DPH6: variants seen among roughly 807,000 people sequenced by gnomAD.
DPH6 encodes the protein diphthine--ammonia ligase.
DPH6 carries 33 observed loss-of-function variants against 38.2 expected under a neutral mutation model. The observed-to-expected ratio is 0.86, with a 90% CI of 0.65 to 1.15. The LOEUF is 1.15. Among genes scored for constraint, DPH6 ranks in the 50% most tolerant of loss-of-function variants. The probability of loss-of-function intolerance (pLI) is 0.00; values close to 1 mark genes in which losing one functional copy is unlikely to be tolerated. For missense variants in DPH6, 325 were observed against 320.0 expected, an observed-to-expected ratio of 1.02 and a Z score of -0.12; for synonymous variants, 108 against 103.0, an observed-to-expected ratio of 1.05 and a Z score of -0.30.
At chr15:35,227,078 C>T (rs2051486727) in intron 3 of DPH6, among the ~76,000 whole-genome samples, 1 of 151,470 alleles carries the variant, frequency 6.6e-6, no homozygotes, top group Admixed American at 6.6e-5. Flanking sequence ...GGAAATTTGT[C>T]CGTTTCTTTT....
At chr15:35,411,243 T>C (rs75461203) in intron 5 of DPH6, among the ~76,000 whole-genome samples, 4,076 of 151,768 alleles carry the variant, frequency 0.027, 95 homozygotes, top group African/African-American at 0.061. Flanking sequence ...ATTTTAATGG[T>C]TATGATTTAT....
Position 35,538,882 on chromosome 15 carries a change from T to G in DPH6, c.119-415A>C, listed in dbSNP as rs557872720. On this transcript the variant is annotated intron_variant, in intron 2 of 8. Transcript: ENST00000256538. ...TTGTAGAAAAAAAAACCTTTCTTAA[T>G]TAAAGATCTACCTAGTTAATAAGAG... 1.1e-4 allele frequency among the ~76,000 whole-genome samples: 16 copies of G among 152,200 alleles called. No individual in the cohort carries two copies. The East Asian group carries it at 3.1e-3, about 29-fold the overall frequency.
Position 35,454,803 on chromosome 15 carries a change from C to T in DPH6, c.330G>A (p.Glu110=). ...LKLVKEKEEV[E]GISVGAILSD... is the part of the protein sequence containing the mutation. ...AAAGTATAGCACCTACTGATATCCC[C>T]TCTACTTCTTCTTTTTCCTGAAAAT... Residue 110 remains glutamate, a synonymous_variant, in exon 4 of 9, where the codon GAG becomes GAA. Transcript: ENST00000256538. 1.2e-6 allele frequency: 2 copies of T among 1,600,494 alleles called. No homozygotes were observed. The highest frequency in any genetic ancestry group is 1.7e-6 in the Non-Finnish European group (2 of 1,175,650).
At chr15:35,476,694 A>T (rs928015119) in intron 3 of DPH6, among the ~76,000 whole-genome samples, 1 of 151,812 alleles carries the variant, frequency 6.6e-6, no homozygotes, top group Non-Finnish European at 1.5e-5. Context: ...GTTAGAGGTG[A>T]AACTTCCTTA....
intron 3 of DPH6, among the ~76,000 whole-genome samples, chr15:35,463,732 A>G (rs1162810688): frequency 6.6e-6 from 1 of 152,172 alleles, no homozygotes; most frequent in Non-Finnish European, 1.5e-5. Flanking sequence ...GTATTTTTAC[A>G]ACCCATGTAT....
intron 3 of DPH6, among the ~76,000 whole-genome samples, chr15:35,286,080 G>A (rs1264982161): frequency 6.6e-6 from 1 of 151,726 alleles, no homozygotes; most frequent in African/African-American, 2.4e-5. Context: ...AATATAGTTT[G>A]CTTCATGAAT....
At chr15:35,380,101 C>T (rs1426124655) in intron 7 of DPH6, among the ~76,000 whole-genome samples, 2 of 152,140 alleles carry the variant, frequency 1.3e-5, no homozygotes, top group Non-Finnish European at 2.9e-5. Flanking sequence ...TTTGTGTTTA[C>T]AAGGTACATA....
the DPH6 span, among the ~76,000 whole-genome samples, chr15:35,198,271 T>G: frequency 6.6e-6 from 1 of 152,312 alleles, no homozygotes; most frequent in South Asian, 2.1e-4. Context: ...AAGACCATAC[T>G]TCTCCAAACT....
intron 3 of DPH6, among the ~76,000 whole-genome samples, chr15:35,277,610 A>G (rs1566857669): frequency 6.6e-6 from 1 of 152,148 alleles, no homozygotes; most frequent in African/African-American, 2.4e-5. Context: ...AAGATGAAGG[A>G]AAGTTTCCAA....
chr15:35,221,349 G>C (rs565776209), intron 3 of DPH6, among the ~76,000 whole-genome samples: 1 of 152,126 alleles, frequency 6.6e-6, no homozygotes, highest in African/African-American at 2.4e-5. Flanking sequence ...CCCTGACAGG[G>C]ACTTTCTGCA....
chr15:35,434,922 T>A (rs2053677539), intron 5 of DPH6, among the ~76,000 whole-genome samples: 1 of 151,804 alleles, frequency 6.6e-6, no homozygotes, highest in East Asian at 1.9e-4. Flanking sequence ...TACAGGTATA[T>A]GCCACCATGC....
chr15:35,281,801 T>C lies in DPH6; in HGVS notation n.201-61219A>G, dbSNP rs565249612. Among the ~76,000 whole-genome samples the C allele has an allele frequency of 5.8e-4, 88 of 152,344 alleles. 1 individual carries two copies. The highest frequency in any genetic ancestry group is 1.7e-3 in the South Asian group (8 of 4,830). ...ATATGTTTGGAGTGACACATTCTAATAGAGATATCTACCGTAGATACCTCA... is the reference window on the plus strand; with the variant it reads ...ATATGTTTGGAGTGACACATTCTAACAGAGATATCTACCGTAGATACCTCA... On this transcript the variant is annotated intron_variant and non_coding_transcript_variant, in intron 3 of 3. Coordinates refer to the DPH6 transcript ENST00000560386.
chr15:35,381,785 T>A, intron 7 of DPH6, 37 bp downstream of exon 7: 2 of 1,556,040 alleles, frequency 1.3e-6, no homozygotes, highest in South Asian at 2.3e-5. Context: ...CACTTAAATT[T>A]ATGGGAAAAA....
intron 5 of DPH6, among the ~76,000 whole-genome samples, chr15:35,446,698 C>T (rs1031120606): frequency 6.6e-6 from 1 of 152,044 alleles, no homozygotes; most frequent in Admixed American, 6.6e-5. Context: ...AAAAGTTTTA[C>T]GTGGCTTTTT....
intron 5 of DPH6, among the ~76,000 whole-genome samples, chr15:35,443,112 A>C (rs2053808764): frequency 6.6e-6 from 1 of 152,210 alleles, no homozygotes; most frequent in Non-Finnish European, 1.5e-5. Flanking sequence ...AATACAGATA[A>C]AAAGATCTCT....
At chr15:35,483,997 A>G (rs1476729029) in intron 3 of DPH6, among the ~76,000 whole-genome samples, 1 of 152,222 alleles carries the variant, frequency 6.6e-6, no homozygotes, top group Non-Finnish European at 1.5e-5. Flanking sequence ...GACTTATAGA[A>G]AGCAGATTAG....
chr15:35,338,793 C>A (rs539685266), intron 3 of DPH6, among the ~76,000 whole-genome samples: 38 of 152,276 alleles, frequency 2.5e-4, no homozygotes, highest in African/African-American at 9.1e-4. Context: ...AAATGTCTGA[C>A]AATGATAGAC....
At chr15:35,163,561 A>G in the DPH6 span, among the ~76,000 whole-genome samples, 1 of 151,948 alleles carries the variant, frequency 6.6e-6, no homozygotes, top group Non-Finnish European at 1.5e-5. Context: ...CAGTGAATCG[A>G]AAAGTTATGC....
chr15:35,153,063 A>G, the DPH6 span, among the ~76,000 whole-genome samples: 1 of 152,178 alleles, frequency 6.6e-6, no homozygotes, highest in Non-Finnish European at 1.5e-5. Flanking sequence ...ATGGTTGAAA[A>G]ACATCAAAAG....
Sources: allele counts gnomAD v4.1 joint callset (sites outside exome capture counted in the v4.1 genomes callset), GRCh38; gene constraint gnomAD v4.1.1; transcripts MANE v1.5; gene names NCBI Gene and HGNC (gene_info 2026-07-23, HGNC 2026-07-21).